CDS2: variants seen among roughly 807,000 people sequenced by gnomAD.
CDS2 encodes phosphatidate cytidylyltransferase 2.
A neutral mutation model predicts 59.0 loss-of-function variants in CDS2; 47 were observed. The observed-to-expected ratio is 0.80, with a 90% confidence interval of 0.63 to 1.02. The LOEUF (loss-of-function observed/expected upper bound fraction) is 1.02, where lower values mean the gene tolerates loss of function less well. CDS2 is among the 50% of genes least tolerant of loss of function. The pLI is 0.00. For missense variants in CDS2, 356 were observed against 558.9 expected (o/e 0.64, Z 3.66); for synonymous variants, 207 against 206.4 (o/e 1.00, Z -0.02).
intron 1 of CDS2, among the ~76,000 whole-genome samples, chr20:5,133,091 C>T (rs1409891480): frequency 6.6e-6 from 1 of 151,846 alleles, no homozygotes; most frequent in Non-Finnish European, 1.5e-5. Context: ...GGCGTGATGG[C>T]GTGAACCCGG....
chr20:5,143,973 C>T (rs1412054677), intron 1 of CDS2, among the ~76,000 whole-genome samples: 2 of 151,996 alleles, frequency 1.3e-5, no homozygotes, highest in Non-Finnish European at 2.9e-5. Context: ...CCATGTTGGC[C>T]AGGCTGGTCT....
At chr20:5,138,033 G>A (rs369481343) in intron 1 of CDS2, among the ~76,000 whole-genome samples, 8 of 151,700 alleles carry the variant, frequency 5.3e-5, no homozygotes, top group Admixed American at 6.6e-5. Context: ...TCCTGACCTC[G>A]TGATGCGCAT....
At chr20:5,173,404 C>T in intron 1 of CDS2, 119 bp from the exon 2 acceptor site, 1 of 1,114,660 alleles carries the variant, frequency 9.0e-7, no homozygotes. Context: ...CCTGACTGTG[C>T]CAGGTTCTTA....
At chr20:5,160,481 GT>G (rs1382427796) in intron 1 of CDS2, among the ~76,000 whole-genome samples, 4 of 152,096 alleles carry the variant, frequency 2.6e-5, no homozygotes, top group Non-Finnish European at 5.9e-5. Flanking sequence ...CTGTTAGACT[GT>G]CTGCATTGTC....
At position 5,182,463 on chromosome 20, in the gene CDS2, G is replaced by A. The variant is rs181635703; in HGVS notation, c.588+18G>A. ...TCTACATGGTAAAGGAAATGCATGC[G>A]TGTGTGTCAGAATTCTTGATTTAAA... On this transcript the variant is annotated intron_variant, in intron 6 of 12. Transcript: ENST00000460006. The A allele has an allele frequency of 3.2e-5, 51 of 1,598,420 alleles. No homozygotes were observed. The highest frequency in any genetic ancestry group is 1.0e-4 in the South Asian group (9 of 88,898).
At chr20:5,159,002 A>G (rs2090855201) in intron 1 of CDS2, among the ~76,000 whole-genome samples, 1 of 152,096 alleles carries the variant, frequency 6.6e-6, no homozygotes. Flanking sequence ...GCTTTAACCC[A>G]TGTGTCTTTG....
chr20:5,134,382 G>T (rs1056466092), intron 1 of CDS2, among the ~76,000 whole-genome samples: 1 of 152,114 alleles, frequency 6.6e-6, no homozygotes, highest in African/African-American at 2.4e-5. Context: ...AGAGGGGCTG[G>T]TGTTATCAGT....
intron 3 of CDS2, 112 bp from the exon 4 acceptor site, chr20:5,176,536 C>G: frequency 1.3e-6 from 1 of 777,158 alleles, no homozygotes; most frequent in South Asian, 1.5e-5. Flanking sequence ...CCACTGGAGG[C>G]CCGATATTTT....
chr20:5,163,399 G>T (rs181665976), intron 1 of CDS2, among the ~76,000 whole-genome samples: 55 of 152,132 alleles, frequency 3.6e-4, no homozygotes, highest in African/African-American at 1.3e-3. Flanking sequence ...GTATCTGGGA[G>T]TACAGGCATG....
At chr20:5,154,118 G>C (rs1043679229) in intron 1 of CDS2, among the ~76,000 whole-genome samples, 2 of 152,138 alleles carry the variant, frequency 1.3e-5, no homozygotes, top group Non-Finnish European at 2.9e-5. Context: ...ATACCTATGT[G>C]GAGGGCCTGA....
rs143743604 is a variant in CDS2, at chr20:5,163,005, C to T, written c.58-10518C>T. On this transcript the variant is annotated intron_variant, in intron 1 of 12. Coordinates refer to ENST00000460006, the MANE Select transcript of CDS2 (RefSeq NM_003818.4). ...GTCTCCAGAGCCTAGGGAGATCATA[C>T]TGAGGCCACATTGACTTTTCTTTGC... 1.1e-3 allele frequency among the ~76,000 whole-genome samples: 164 copies of T among 152,296 alleles called. 1 individual carries two copies. In the Middle Eastern group the frequency reaches 0.024, roughly 22 times the overall value.
intron 10 of CDS2, chr20:5,187,373 G>T: frequency 6.2e-6 from 1 of 162,286 alleles, no homozygotes; most frequent in Non-Finnish European, 1.4e-5. Context: ...TGGAAAGTAT[G>T]TGTAAAACAT....
At position 5,188,052 on chromosome 20, in the gene CDS2, G is replaced by A. The variant is rs188586232; in HGVS notation, c.982-1015G>A. ...GATGAGGTCTGTGATGATTCTTAAC[G>A]TACGTGTGTGTGTGTGTGTGTGTGT... is the stretch of plus-strand genomic sequence containing the variant. On this transcript the variant is annotated intron_variant, in intron 10 of 12. Coordinates refer to ENST00000460006, the MANE Select transcript of CDS2 (RefSeq NM_003818.4). 1.0e-2 allele frequency among the ~76,000 whole-genome samples: 1,362 copies of A among 136,738 alleles called. 24 individuals are homozygous for A. Among genetic ancestry groups the A allele is most frequent in the African/African-American group, 0.032 (1,203 of 37,686 alleles). The allele number at this position is 136,738 out of a possible 152,430, so 89.7% of individuals were successfully genotyped here. A position where few individuals can be genotyped will look rare whatever the true frequency, so the allele number is the denominator to read the frequency against.
chr20:5,165,505 T>C (rs1045745184), intron 1 of CDS2, among the ~76,000 whole-genome samples: 1 of 152,142 alleles, frequency 6.6e-6, no homozygotes, highest in South Asian at 2.1e-4. Flanking sequence ...ACAGAGATGA[T>C]GGTCTCGAGG....
chr20:5,182,312 T>A, intron 5 of CDS2, 75 bp from the exon 6 acceptor site: 1 of 1,349,530 alleles, frequency 7.4e-7, no homozygotes. Context: ...AAGAACCACT[T>A]AACATAGCTA....
intron 1 of CDS2, 77 bp from the exon 2 acceptor site, chr20:5,173,446 C>T (rs971244146): frequency 6.5e-7 from 1 of 1,539,076 alleles, no homozygotes; most frequent in Non-Finnish European, 8.9e-7. Context: ...CCACAGATCT[C>T]TCATGACAGG....
chr20:5,163,791 CTT>C (rs397866016), intron 1 of CDS2, among the ~76,000 whole-genome samples: 29 of 47,948 alleles, frequency 6.0e-4, no homozygotes, highest in South Asian at 4.7e-3. Flanking sequence ...TTCTTTCTTT[CTT>C]TTTTTTTTTT....
chr20:5,135,960 T>A (rs1053362740), intron 1 of CDS2, among the ~76,000 whole-genome samples: 1 of 152,178 alleles, frequency 6.6e-6, no homozygotes, highest in Non-Finnish European at 1.5e-5. Flanking sequence ...TGATTTGTTG[T>A]CTTTGGCAGA....
intron 1 of CDS2, among the ~76,000 whole-genome samples, chr20:5,164,704 C>T (rs868289662): frequency 3.9e-5 from 6 of 152,080 alleles, no homozygotes; most frequent in Admixed American, 6.6e-5. Context: ...TAGAGATGCC[C>T]GACTAAGGAA....
Sources: gnomAD v4.1 joint callset for allele counts (sites outside exome capture counted in the v4.1 genomes callset) on GRCh38, gnomAD v4.1.1 for gene constraint, MANE v1.5 for transcripts, NCBI Gene and HGNC (gene_info 2026-07-23, HGNC 2026-07-21) for gene names.